PLEKHM3: variants seen among roughly 807,000 people sequenced by gnomAD.
PLEKHM3 encodes the protein pleckstrin homology domain-containing family M member 3.
Under a neutral mutation model 81.8 loss-of-function variants are expected in PLEKHM3, and 45 were observed. The ratio of observed to expected loss-of-function variants is 0.55; its 90% CI spans 0.43 to 0.71. PLEKHM3 has a LOEUF of 0.71. Among genes scored for constraint, PLEKHM3 ranks in the 30% least tolerant of loss-of-function variants. The pLI, the probability that PLEKHM3 is intolerant of heterozygous loss-of-function variation, is 0.00. For missense variants in PLEKHM3, 788 were observed against 924.3 expected, an observed-to-expected ratio of 0.85 and a Z score of 1.91; for synonymous variants, 352 against 356.4, an observed-to-expected ratio of 0.99 and a Z score of 0.14.
At chr2:207,896,052 C>A (rs534203889) in intron 6 of PLEKHM3, among the ~76,000 whole-genome samples, 1 of 152,308 alleles carries the variant, frequency 6.6e-6, no homozygotes, top group Admixed American at 6.5e-5. Context: ...CACCCAGAAG[C>A]CTGGATACTT....
At chr2:207,937,903 G>A (rs2105952766) in intron 4 of PLEKHM3, among the ~76,000 whole-genome samples, 1 of 152,286 alleles carries the variant, frequency 6.6e-6, no homozygotes, top group African/African-American at 2.4e-5. Flanking sequence ...GAGAAATTAG[G>A]AAACCTTCAG....
At chr2:207,925,979 CA>C (rs1423051206) in intron 5 of PLEKHM3, among the ~76,000 whole-genome samples, 1 of 151,896 alleles carries the variant, frequency 6.6e-6, no homozygotes, top group Non-Finnish European at 1.5e-5. Flanking sequence ...GAGACATCGA[CA>C]AACTCTGTTC....
chr2:207,847,844 T>C (rs2092392683), intron 7 of PLEKHM3, among the ~76,000 whole-genome samples: 1 of 152,116 alleles, frequency 6.6e-6, no homozygotes, highest in Admixed American at 6.5e-5. Context: ...AAAGGAAATA[T>C]CATTAAAAAA....
intron 3 of PLEKHM3, among the ~76,000 whole-genome samples, chr2:207,959,591 C>G (rs1690662286): frequency 6.6e-6 from 1 of 152,186 alleles, no homozygotes; most frequent in Admixed American, 6.5e-5. Flanking sequence ...ATTCCTAATG[C>G]CTGCTTCTCT....
chr2:207,837,761 A>ATTTTTTTTTT lies in PLEKHM3; in HGVS notation c.2109-9275_2109-9266dup, dbSNP rs1194861994. Among the ~76,000 whole-genome samples the ATTTTTTTTTT allele has an allele frequency of 8.0e-5, 6 of 74,738 alleles. 3 individuals are homozygous for ATTTTTTTTTT. Among genetic ancestry groups the ATTTTTTTTTT allele is most frequent in the South Asian group, 1.1e-3 (2 of 1,848 alleles). 49.0% of individuals were successfully genotyped at this position (74,738 alleles called of 152,430 possible). ...GCCACGGCGCCTGGCCGGTTCTTCCATTTTTTTTTTTTTTTTTTTTTTTTT... is the reference window on the plus strand; with the variant it reads ...GCCACGGCGCCTGGCCGGTTCTTCCATTTTTTTTTTTTTTTTTTTTTTTTTTTTTTTTTTT... On this transcript the variant is annotated intron_variant, in intron 7 of 7. Coordinates refer to ENST00000427836, the MANE Select transcript of PLEKHM3 (RefSeq NM_001080475.3).
intron 6 of PLEKHM3, among the ~76,000 whole-genome samples, chr2:207,898,907 T>TA (rs1688331028): frequency 6.6e-6 from 1 of 151,794 alleles, no homozygotes; most frequent in African/African-American, 2.4e-5. Context: ...AAAAAATAAA[T>TA]AAATAAAATA....
intron 1 of PLEKHM3, among the ~76,000 whole-genome samples, chr2:208,012,437 T>C (rs1692734614): frequency 6.6e-6 from 1 of 152,234 alleles, no homozygotes; most frequent in Admixed American, 6.5e-5. Context: ...ACGAAGTTCC[T>C]CAAATCCTTG....
At chr2:207,950,935 G>T (rs1362221672) in intron 3 of PLEKHM3, among the ~76,000 whole-genome samples, 1 of 152,172 alleles carries the variant, frequency 6.6e-6, no homozygotes. Flanking sequence ...CAAAGTATTT[G>T]TATTTGAAAG....
intron 6 of PLEKHM3, among the ~76,000 whole-genome samples, chr2:207,892,488 C>T (rs904614457): frequency 6.6e-6 from 1 of 152,162 alleles, no homozygotes; most frequent in African/African-American, 2.4e-5. Context: ...TCCTAACTAG[C>T]ACGGCTGGCC....
intron 6 of PLEKHM3, among the ~76,000 whole-genome samples, chr2:207,878,675 T>C (rs2092571248): frequency 6.6e-6 from 1 of 152,138 alleles, no homozygotes; most frequent in Non-Finnish European, 1.5e-5. Context: ...ATTTTTGTCA[T>C]TACCAATTCA....
chr2:207,834,074 A>G (rs939785204), intron 7 of PLEKHM3, among the ~76,000 whole-genome samples: 3 of 152,008 alleles, frequency 2.0e-5, no homozygotes, highest in Non-Finnish European at 4.4e-5. Flanking sequence ...AATATCAGTG[A>G]CGCAATGCTG....
intron 2 of PLEKHM3, among the ~76,000 whole-genome samples, chr2:207,997,017 A>AT (rs1436385840): frequency 6.6e-6 from 1 of 151,866 alleles, no homozygotes; most frequent in Non-Finnish European, 1.5e-5. Flanking sequence ...CAAAAAAAAA[A>AT]AAAATTACAA....
chr2:207,949,430 A>G (rs1284273615), intron 3 of PLEKHM3, among the ~76,000 whole-genome samples: 2 of 152,208 alleles, frequency 1.3e-5, no homozygotes, highest in African/African-American at 4.8e-5. Flanking sequence ...AATCCCAGCT[A>G]CTGGAAGGCT....
chr2:207,909,362 A>G (rs773457698), intron 5 of PLEKHM3, among the ~76,000 whole-genome samples: 1 of 152,230 alleles, frequency 6.6e-6, no homozygotes, highest in Non-Finnish European at 1.5e-5. Context: ...AACCCAAAAC[A>G]AAATCCATGA....
intron 5 of PLEKHM3, chr2:207,929,931 C>T (rs1431288862): frequency 5.7e-6 from 4 of 697,230 alleles, no homozygotes; most frequent in Admixed American, 2.0e-5. Flanking sequence ...ATGCATGCTG[C>T]TGGTCATTTC....
chr2:207,850,101 A>C (rs1446545105), intron 7 of PLEKHM3, among the ~76,000 whole-genome samples: 1 of 152,180 alleles, frequency 6.6e-6, no homozygotes, highest in Admixed American at 6.5e-5. Flanking sequence ...GCTTTCTAGC[A>C]ACCCCCTATC....
At chr2:207,857,138 G>C (rs906135619) in intron 7 of PLEKHM3, among the ~76,000 whole-genome samples, 1 of 152,214 alleles carries the variant, frequency 6.6e-6, no homozygotes, top group Admixed American at 6.5e-5. Flanking sequence ...GTTATGGACA[G>C]AGAAGTGTTG....
chr2:207,899,568 T>A (rs529158759), intron 6 of PLEKHM3, among the ~76,000 whole-genome samples: 1 of 152,090 alleles, frequency 6.6e-6, no homozygotes, highest in Non-Finnish European at 1.5e-5. Context: ...GGTGACAGAG[T>A]TGGGCTCACA....
intron 2 of PLEKHM3, among the ~76,000 whole-genome samples, chr2:207,978,901 G>C (rs1199584499): frequency 6.6e-6 from 1 of 152,156 alleles, no homozygotes; most frequent in African/African-American, 2.4e-5. Flanking sequence ...AATAAAATAA[G>C]TCTTAAATTT....
Sources: allele counts gnomAD v4.1 joint callset (sites outside exome capture counted in the v4.1 genomes callset), GRCh38; gene constraint gnomAD v4.1.1; transcripts MANE v1.5; gene names NCBI Gene and HGNC (gene_info 2026-07-23, HGNC 2026-07-21).